Variants in PAPPA2 observed in about 807,000 individuals in gnomAD.
PAPPA2 encodes the protein pappalysin 2, also known as pappalysin-2.
PAPPA2 carries 86 observed loss-of-function variants against 176.4 expected under a neutral mutation model. That is an observed-to-expected ratio of 0.49 (90% CI 0.41 to 0.58). The LOEUF (loss-of-function observed/expected upper bound fraction) is 0.58, where lower values mean the gene tolerates loss of function less well. PAPPA2 is among the 20% of genes least tolerant of loss of function. The pLI is 0.00. For missense variants in PAPPA2, 2,073 were observed against 2,256.9 expected (o/e 0.92, Z 1.65); for synonymous variants, 809 against 852.2 (o/e 0.95, Z 0.88).
chr1:176,784,591 T>C (rs1024175968), intron 17 of PAPPA2, among the ~76,000 whole-genome samples: 8 of 60,872 alleles, frequency 1.3e-4, no homozygotes, highest in African/African-American at 7.1e-4. Context: ...GATGATTCTC[T>C]TTTTTTTTTT....
At chr1:176,525,926 G>A (rs1649476477) in intron 1 of PAPPA2, among the ~76,000 whole-genome samples, 1 of 152,178 alleles carries the variant, frequency 6.6e-6, no homozygotes, top group Non-Finnish European at 1.5e-5. Context: ...GATCTTCCCT[G>A]TTCTTCTCCT....
At chr1:176,529,353 G>A (rs2102549277) in intron 1 of PAPPA2, among the ~76,000 whole-genome samples, 1 of 152,056 alleles carries the variant, frequency 6.6e-6, no homozygotes, top group African/African-American at 2.4e-5. Context: ...GGAACACATT[G>A]CCCTGTGGTT....
In PAPPA2 at chr1:176,553,786, A is replaced by T. The variant is rs547362459; in HGVS notation, c.-916-1621A>T. On this transcript the variant is annotated intron_variant, in intron 1 of 22. Transcript: ENST00000367662. The stretch of plus-strand genomic sequence containing the variant: ...TATGGGGTGGCATGCGGGAGGGGGA[A>T]GTTTACTTCTTTTCTTACCTGAGTA... The T allele has an allele frequency of 3.9e-5, 6 of 151,942 alleles. No homozygotes were observed. The South Asian group carries it at 1.2e-3, about 32-fold the overall frequency. 9.4% of individuals were successfully genotyped at this position (151,942 alleles called of 1,614,324 possible). A position where few individuals can be genotyped will look rare whatever the true frequency, so the allele number is the denominator to read the frequency against.
At chr1:176,579,937 T>G (rs1287105407) in intron 2 of PAPPA2, among the ~76,000 whole-genome samples, 1 of 152,266 alleles carries the variant, frequency 6.6e-6, no homozygotes, top group African/African-American at 2.4e-5. Flanking sequence ...TATATATTTA[T>G]GAAGTATGTA....
intron 3 of PAPPA2, among the ~76,000 whole-genome samples, chr1:176,610,846 T>C (rs1044837522): frequency 2.0e-5 from 3 of 152,202 alleles, no homozygotes; most frequent in Non-Finnish European, 2.9e-5. Flanking sequence ...ACTCATTCAG[T>C]TTATAATAAA....
chr1:176,463,569 G>T (rs1432160272), intron 1 of PAPPA2, among the ~76,000 whole-genome samples, 151 bp downstream of exon 1: 1 of 152,178 alleles, frequency 6.6e-6, no homozygotes, highest in East Asian at 1.9e-4. Flanking sequence ...CTGTAAGCGG[G>T]GATGAGCATC....
At chr1:176,573,390 T>C (rs1652466901) in intron 2 of PAPPA2, among the ~76,000 whole-genome samples, 1 of 152,200 alleles carries the variant, frequency 6.6e-6, no homozygotes, top group African/African-American at 2.4e-5. Context: ...TAGATGCCCA[T>C]TATGGAAACT....
chr1:176,569,702 C>G (rs1652206064), intron 2 of PAPPA2, among the ~76,000 whole-genome samples: 1 of 152,322 alleles, frequency 6.6e-6, no homozygotes, highest in South Asian at 2.1e-4. Context: ...TGCATCTGTT[C>G]CTTGCTGCCT....
chr1:176,814,688 G>C (rs186285303), intron 21 of PAPPA2, among the ~76,000 whole-genome samples: 1 of 152,176 alleles, frequency 6.6e-6, no homozygotes, highest in Non-Finnish European at 1.5e-5. Context: ...TTTTTGCTGA[G>C]ACAACAGGGT....
At chr1:176,544,334 G>A (rs966458174) in intron 1 of PAPPA2, among the ~76,000 whole-genome samples, 2 of 152,148 alleles carry the variant, frequency 1.3e-5, no homozygotes, top group African/African-American at 4.8e-5. Context: ...CATGGCTAGT[G>A]CTTAGTACAG....
intron 2 of PAPPA2, among the ~76,000 whole-genome samples, chr1:176,576,655 C>A (rs536996455): frequency 6.6e-6 from 1 of 152,106 alleles, no homozygotes; most frequent in South Asian, 2.1e-4. Flanking sequence ...GATTTGGAGT[C>A]CTGCTCCTCA....
chr1:176,611,114 T>C (rs1573123525), intron 3 of PAPPA2, among the ~76,000 whole-genome samples: 1 of 152,302 alleles, frequency 6.6e-6, no homozygotes, highest in East Asian at 1.9e-4. Flanking sequence ...ATCAAAATAA[T>C]CATTCTAAGA....
At position 176,814,709 on chromosome 1, in the gene PAPPA2, C is replaced by G. The variant is rs6665670; in HGVS notation, c.5202+14577C>G. Among the ~76,000 whole-genome samples, 510 of 152,284 alleles carry G rather than the reference C, an allele frequency of 3.3e-3. 3 individuals carry two copies. Among genetic ancestry groups the G allele is most frequent in the African/African-American group, 0.012 (486 of 41,572 alleles). On this transcript the variant is annotated intron_variant, in intron 21 of 22. Coordinates refer to ENST00000367662, the MANE Select transcript of PAPPA2 (RefSeq NM_020318.3). ...CTGAGACAACAGGGTTTTCTAGATA[C>G]AGGATCATGTTATCTGCAAACAAAG...
chr1:176,713,331 T>A (rs996273169), intron 12 of PAPPA2, among the ~76,000 whole-genome samples: 5 of 152,082 alleles, frequency 3.3e-5, no homozygotes. Context: ...AATTTTTAAA[T>A]GTTATATAGA....
chr1:176,720,363 A>G (rs961564692), intron 12 of PAPPA2, among the ~76,000 whole-genome samples: 1 of 152,030 alleles, frequency 6.6e-6, no homozygotes, highest in African/African-American at 2.4e-5. Flanking sequence ...CATATTTAAT[A>G]TGCTTAGTTT....
At position 176,555,442 on chromosome 1, in the gene PAPPA2, C is replaced by A. The variant is rs1651222649; in HGVS notation, c.-881C>A. 1.3e-5 allele frequency: 2 copies of A among 152,386 alleles called. No individual in the cohort carries two copies. Among genetic ancestry groups the A allele is most frequent in the African/African-American group, 2.4e-5 (1 of 41,564 alleles). The allele number at this position is 152,386 out of a possible 1,614,324, so 9.4% of individuals were successfully genotyped here. On this transcript the variant is annotated 5_prime_UTR_variant, in exon 2 of 23. Transcript: ENST00000367662. ...GACTCCCAGAAGGTGAAGTTAAGAG[C>A]TCCCAGACTCATAAGGTTATTAGAA...
intron 1 of PAPPA2, among the ~76,000 whole-genome samples, chr1:176,478,652 G>A (rs2102475370): frequency 6.6e-6 from 1 of 152,334 alleles, no homozygotes; most frequent in African/African-American, 2.4e-5. Flanking sequence ...CATGAGTATT[G>A]TGCCACAATG....
intron 3 of PAPPA2, among the ~76,000 whole-genome samples, chr1:176,655,711 T>C (rs1183805899): frequency 6.6e-6 from 1 of 151,824 alleles, no homozygotes; most frequent in Non-Finnish European, 1.5e-5. Context: ...GGGTGGATGA[T>C]AAGAAATTAC....
At position 176,840,150 on chromosome 1, in the gene PAPPA2, G is replaced by A. The variant is rs1235951625; in HGVS notation, c.5203-23G>A. 1.9e-6 allele frequency: 3 copies of A among 1,569,452 alleles called. No individual in the cohort carries two copies. The South Asian group carries it at 3.3e-5, about 17-fold the overall frequency. ...AGACATAATAAGGCTATACTGAGATGTTGCCTTCTAACCTCCCTACAGCCC... is the reference window on the plus strand; with the variant it reads ...AGACATAATAAGGCTATACTGAGATATTGCCTTCTAACCTCCCTACAGCCC... On this transcript the variant is annotated intron_variant, in intron 21 of 22. Coordinates refer to ENST00000367662, the MANE Select transcript of PAPPA2 (RefSeq NM_020318.3).
Sources: gnomAD v4.1 joint callset for allele counts (sites outside exome capture counted in the v4.1 genomes callset) on GRCh38, gnomAD v4.1.1 for gene constraint, MANE v1.5 for transcripts, NCBI Gene and HGNC (gene_info 2026-07-23, HGNC 2026-07-21) for gene names.